The following MRTFA variants were observed in gnomAD, a reference collection of about 807,000 sequenced individuals.
MRTFA encodes the protein myocardin-related transcription factor A.
A neutral mutation model predicts 83.5 loss-of-function variants in MRTFA; 20 were observed. The observed-to-expected ratio is 0.24, with a 90% confidence interval of 0.17 to 0.35. The LOEUF (loss-of-function observed/expected upper bound fraction) is 0.35. Among genes scored for constraint, MRTFA ranks in the 10% least tolerant of loss-of-function variants. MRTFA has a pLI of 1.00. For synonymous variants in MRTFA, 659 were observed against 541.2 expected (o/e 1.22, Z -3.02); for missense variants, 1,200 against 1,224.7 (o/e 0.98, Z 0.30).
chr22:40,518,992 T>G (rs1414858519), intron 3 of MRTFA, among the ~76,000 whole-genome samples: 1 of 149,660 alleles, frequency 6.7e-6, no homozygotes, highest in Non-Finnish European at 1.5e-5. Context: ...CTTTTGGTGG[T>G]GGTGGTGGTG....
intron 1 of MRTFA, among the ~76,000 whole-genome samples, chr22:40,630,111 G>C (rs1569360439): frequency 6.6e-6 from 1 of 151,990 alleles, no homozygotes; most frequent in East Asian, 1.9e-4. Flanking sequence ...TCAGGAGTTT[G>C]AGACCAGCCT....
intron 1 of MRTFA, among the ~76,000 whole-genome samples, chr22:40,621,601 G>T (rs1459293455): frequency 2.0e-5 from 3 of 152,122 alleles, no homozygotes; most frequent in Admixed American, 1.3e-4. Flanking sequence ...ACTTAAAAAT[G>T]GTTACGATGG....
At position 40,455,722 on chromosome 22, in the gene MRTFA, T is replaced by A. The variant is rs182620639; in HGVS notation, c.307+7499A>T. Among the ~76,000 whole-genome samples the A allele has an allele frequency of 6.7e-5, 10 of 149,074 alleles. 1 individual carries two copies. In the East Asian group the frequency reaches 2.0e-3, roughly 29 times the overall value. ...TGGGAGTCAGCAGGATGACAGGGTG[T>A]CGGGGTGGCAGAGGATGTTGGAGAT... On this transcript the variant is annotated intron_variant, in intron 4 of 14. Transcript: ENST00000355630.
intron 2 of MRTFA, chr22:40,587,551 A>T (rs574474561): frequency 3.4e-6 from 1 of 296,834 alleles, no homozygotes; most frequent in African/African-American, 2.2e-5. Context: ...CACCAAAAAA[A>T]GTTCAGGAAC....
chr22:40,452,314 TTATC>T (rs767538060), intron 4 of MRTFA, among the ~76,000 whole-genome samples: 16 of 152,122 alleles, frequency 1.1e-4, no homozygotes, highest in Non-Finnish European at 2.2e-4. Context: ...CCATCATCAG[TTATC>T]TATCAGGACT....
chr22:40,455,462 C>T (rs1179212974), intron 4 of MRTFA, among the ~76,000 whole-genome samples: 1 of 151,734 alleles, frequency 6.6e-6, no homozygotes, highest in Non-Finnish European at 1.5e-5. Flanking sequence ...CTGGCTAACA[C>T]GGTGAAACCC....
intron 4 of MRTFA, among the ~76,000 whole-genome samples, chr22:40,442,175 T>G (rs2053289633): frequency 1.3e-5 from 2 of 152,238 alleles, no homozygotes; most frequent in African/African-American, 4.8e-5. Context: ...CATTTCCTCA[T>G]CACTATCATG....
chr22:40,604,997 G>A (rs1365918120), intron 1 of MRTFA, among the ~76,000 whole-genome samples: 1 of 152,110 alleles, frequency 6.6e-6, no homozygotes, highest in Non-Finnish European at 1.5e-5. Flanking sequence ...TACCATCTAA[G>A]TTAAATTCTG....
chr22:40,463,273 T>C lies in MRTFA; in HGVS notation c.255A>G (p.Lys85=). The change falls in exon 4 of 15, where the codon AAA becomes AAG. Residue 85 remains lysine (K), a synonymous_variant. Transcript: ENST00000355630. ...CTTCCCGGGTCCGGCGCTGCTGGAGTTTCAACTGTAGCACTGCAGGGCAGC... is the reference window on the plus strand; with the variant it reads ...CTTCCCGGGTCCGGCGCTGCTGGAGCTTCAACTGTAGCACTGCAGGGCAGC... The C allele has an allele frequency of 6.2e-7, 1 of 1,613,542 alleles. No individual in the cohort carries two copies. Among genetic ancestry groups the C allele is most frequent in the South Asian group, 1.1e-5 (1 of 91,046 alleles).
chr22:40,516,845 T>A (rs2054768716), intron 3 of MRTFA, among the ~76,000 whole-genome samples: 3 of 152,204 alleles, frequency 2.0e-5, no homozygotes, highest in African/African-American at 4.8e-5. Context: ...GAGCTTTTTT[T>A]AAATGTCAAA....
chr22:40,578,612 A>AT (rs927542556), intron 2 of MRTFA, among the ~76,000 whole-genome samples: 40 of 151,620 alleles, frequency 2.6e-4, no homozygotes, highest in African/African-American at 7.5e-4. Flanking sequence ...TTCTCTCAAA[A>AT]TTTTTTTTTA....
chr22:40,551,054 C>A (rs1293680802), intron 3 of MRTFA, among the ~76,000 whole-genome samples: 1 of 135,386 alleles, frequency 7.4e-6, no homozygotes, highest in Non-Finnish European at 1.6e-5. Flanking sequence ...TTTCTCCATG[C>A]TGGTCAGGCT....
chr22:40,424,979 T>C (rs1383330900), intron 7 of MRTFA, among the ~76,000 whole-genome samples: 2 of 152,156 alleles, frequency 1.3e-5, no homozygotes, highest in Non-Finnish European at 2.9e-5. Flanking sequence ...AAGGGGATGT[T>C]TGCCTGCACA....
chr22:40,633,500 A>G lies in MRTFA; in HGVS notation c.-84+2978T>C, dbSNP rs188310394. 7.3e-3 allele frequency among the ~76,000 whole-genome samples: 1,110 copies of G among 152,288 alleles called. 8 individuals are homozygous for G. Among genetic ancestry groups the G allele is most frequent in the Non-Finnish European group, 0.012 (841 of 68,014 alleles). On this transcript the variant is annotated intron_variant, in intron 1 of 14. Coordinates refer to ENST00000355630, the MANE Select transcript of MRTFA (RefSeq NM_020831.6). ...AATCTACAAATCGTTTTTTAAATAC[A>G]CTTAAATAAGTATTTAAGCTGCACT...
intron 2 of MRTFA, among the ~76,000 whole-genome samples, chr22:40,556,405 C>A (rs2055525020): frequency 6.6e-6 from 1 of 151,980 alleles, no homozygotes; most frequent in South Asian, 2.1e-4. Context: ...AGAAAATAAA[C>A]TGGACTGGAA....
In MRTFA at chr22:40,418,677, G is replaced by A. The variant is rs2052747757; in HGVS notation, c.2061C>T (p.Ser687=). The stretch of plus-strand genomic sequence containing the variant: ...GGTGAGCGGGGCCCAGGGGCTGCTG[G>A]CTCAGCTGGCAGCTGGAGAAGCTGT... Residue 687 remains serine, a synonymous_variant, in exon 12 of 15, where the codon AGC becomes AGT. Transcript: ENST00000355630. 10 of 1,460,156 alleles carry A rather than the reference G, an allele frequency of 6.8e-6. No individual in the cohort carries two copies. Among genetic ancestry groups the A allele is most frequent in the Non-Finnish European group, 9.0e-6 (10 of 1,110,214 alleles). 90.4% of individuals were successfully genotyped at this position (1,460,156 alleles called of 1,614,324 possible). A position where few individuals can be genotyped will look rare whatever the true frequency, so the allele number is the denominator to read the frequency against.
chr22:40,476,157 G>T (rs1041504799), intron 3 of MRTFA, among the ~76,000 whole-genome samples: 4 of 151,142 alleles, frequency 2.6e-5, no homozygotes, highest in Admixed American at 6.6e-5. Context: ...AAAAAAAAAG[G>T]GGGGGGGTCT....
At chr22:40,417,151 G>A in intron 13 of MRTFA, 105 bp from the exon 14 acceptor site, 1 of 1,413,002 alleles carries the variant, frequency 7.1e-7, no homozygotes, top group Non-Finnish European at 9.7e-7. Flanking sequence ...TAAGCAGCCA[G>A]ATCCACAGGA....
chr22:40,515,802 T>C (rs1052922027), intron 3 of MRTFA, among the ~76,000 whole-genome samples: 86 of 152,192 alleles, frequency 5.7e-4, no homozygotes, highest in African/African-American at 2.0e-3. Flanking sequence ...ATTTAACCCC[T>C]TATTCTGAAC....
Sources: gnomAD v4.1 joint callset for allele counts (sites outside exome capture counted in the v4.1 genomes callset) on GRCh38, gnomAD v4.1.1 for gene constraint, MANE v1.5 for transcripts, NCBI Gene and HGNC (gene_info 2026-07-23, HGNC 2026-07-21) for gene names.